The following PCDH9 variants were observed in gnomAD, a reference collection of about 807,000 sequenced individuals.
PCDH9 encodes protocadherin 9.
A neutral mutation model predicts 70.6 loss-of-function variants in PCDH9; 24 were observed. The observed-to-expected ratio is 0.34, with a 90% confidence interval of 0.25 to 0.48. The LOEUF is 0.48. Among genes scored for constraint, PCDH9 ranks in the 20% least tolerant of loss-of-function variants. PCDH9 has a pLI of 0.99. For synonymous variants in PCDH9, 562 were observed against 558.5 expected, an observed-to-expected ratio of 1.01 and a Z score of -0.09; for missense variants, 1,281 against 1,503.6, an observed-to-expected ratio of 0.85 and a Z score of 2.45.
intron 3 of PCDH9, among the ~76,000 whole-genome samples, chr13:66,743,763 A>G (rs961187690): frequency 6.6e-6 from 1 of 152,144 alleles, no homozygotes; most frequent in Non-Finnish European, 1.5e-5. Context: ...AATACATACA[A>G]TTTTAGTCGT....
At chr13:66,909,484 T>A (rs955412420) in intron 2 of PCDH9, among the ~76,000 whole-genome samples, 3 of 151,954 alleles carry the variant, frequency 2.0e-5, no homozygotes, top group African/African-American at 7.2e-5. Flanking sequence ...AAAATCCATT[T>A]AGAGGCCAGG....
chr13:66,360,624 C>G (rs571705221), intron 4 of PCDH9, among the ~76,000 whole-genome samples: 24 of 152,088 alleles, frequency 1.6e-4, no homozygotes, highest in African/African-American at 5.5e-4. Context: ...CTATAAGTAA[C>G]AAATGTGGCT....
At chr13:67,047,546 C>A (rs546626635) in intron 2 of PCDH9, among the ~76,000 whole-genome samples, 3 of 152,264 alleles carry the variant, frequency 2.0e-5, no homozygotes, top group African/African-American at 7.2e-5. Flanking sequence ...TGTTTTATTT[C>A]TTTCCCCCAC....
chr13:66,793,521 T>C (rs920911789), intron 3 of PCDH9, among the ~76,000 whole-genome samples: 1 of 152,164 alleles, frequency 6.6e-6, no homozygotes, highest in Non-Finnish European at 1.5e-5. Flanking sequence ...CAATGAAATG[T>C]ATCTAAACAA....
intron 3 of PCDH9, among the ~76,000 whole-genome samples, chr13:66,722,212 T>G (rs2078950356): frequency 6.6e-6 from 1 of 152,186 alleles, no homozygotes; most frequent in South Asian, 2.1e-4. Flanking sequence ...TTCTTAAAAC[T>G]GAGGCTACGT....
intron 2 of PCDH9, among the ~76,000 whole-genome samples, chr13:67,035,717 A>C (rs2084996157): frequency 6.6e-6 from 1 of 151,970 alleles, no homozygotes; most frequent in Non-Finnish European, 1.5e-5. Context: ...TCTCCCCAGC[A>C]AACTCCACAA....
chr13:66,633,066 C>T (rs534096906), intron 3 of PCDH9, among the ~76,000 whole-genome samples: 27 of 152,164 alleles, frequency 1.8e-4, no homozygotes, highest in African/African-American at 6.0e-4. Context: ...AGCCTATATC[C>T]TGTGAGTCAC....
At chr13:66,507,233 G>T (rs558406117) in intron 4 of PCDH9, among the ~76,000 whole-genome samples, 1 of 152,112 alleles carries the variant, frequency 6.6e-6, no homozygotes, top group Non-Finnish European at 1.5e-5. Flanking sequence ...TAAGGAAAGT[G>T]AAATTAAATA....
chr13:66,671,795 C>G (rs2078178748), intron 3 of PCDH9, among the ~76,000 whole-genome samples: 1 of 152,104 alleles, frequency 6.6e-6, no homozygotes, highest in African/African-American at 2.4e-5. Flanking sequence ...ATATATGGAA[C>G]TTTGGATTTG....
At chr13:66,745,024 G>A (rs892727828) in intron 3 of PCDH9, among the ~76,000 whole-genome samples, 1 of 152,170 alleles carries the variant, frequency 6.6e-6, no homozygotes, top group Admixed American at 6.5e-5. Flanking sequence ...TTCAGTCTCC[G>A]TAACGTAGCT....
chr13:67,120,716 C>T (rs964200366), intron 2 of PCDH9, among the ~76,000 whole-genome samples: 9 of 152,078 alleles, frequency 5.9e-5, no homozygotes, highest in African/African-American at 1.9e-4. Flanking sequence ...ATATTTGAAT[C>T]TGCAATGTCA....
At chr13:66,870,041 T>G (rs993193943) in intron 3 of PCDH9, among the ~76,000 whole-genome samples, 2 of 152,218 alleles carry the variant, frequency 1.3e-5, no homozygotes, top group Middle Eastern at 3.4e-3. Flanking sequence ...TCTTCTAGGG[T>G]TTTTATGGTT....
intron 3 of PCDH9, among the ~76,000 whole-genome samples, chr13:66,768,215 T>A (rs1025380429): frequency 6.6e-6 from 1 of 151,640 alleles, no homozygotes; most frequent in Non-Finnish European, 1.5e-5. Context: ...GTGTAGATGT[T>A]CCCCCTATGG....
chr13:66,831,157 T>C (rs947978899), intron 3 of PCDH9, among the ~76,000 whole-genome samples: 1 of 152,184 alleles, frequency 6.6e-6, no homozygotes, highest in African/African-American at 2.4e-5. Context: ...TCTTGGGCAG[T>C]AGTGTCTCTT....
At chr13:66,319,260 C>T (rs958304726) in intron 4 of PCDH9, among the ~76,000 whole-genome samples, 1 of 152,194 alleles carries the variant, frequency 6.6e-6, no homozygotes, top group African/African-American at 2.4e-5. Flanking sequence ...GATCCAATCA[C>T]TTCCCTTCCT....
intron 2 of PCDH9, among the ~76,000 whole-genome samples, chr13:67,117,547 A>C (rs2086801711): frequency 1.3e-5 from 2 of 152,134 alleles, no homozygotes; most frequent in Admixed American, 1.3e-4. Flanking sequence ...CGGAAGTAAG[A>C]GTGAGAAAGG....
At chr13:67,037,206 T>C (rs1252900946) in intron 2 of PCDH9, among the ~76,000 whole-genome samples, 5 of 152,172 alleles carry the variant, frequency 3.3e-5, no homozygotes, top group Admixed American at 2.0e-4. Flanking sequence ...TTTTGGATTT[T>C]TGTTTAACTC....
chr13:67,173,080 A>G (rs1225740054), intron 2 of PCDH9, among the ~76,000 whole-genome samples: 1 of 152,130 alleles, frequency 6.6e-6, no homozygotes, highest in African/African-American at 2.4e-5. Flanking sequence ...CCAGAAACTC[A>G]AAATACCAAT....
intron 4 of PCDH9, among the ~76,000 whole-genome samples, chr13:66,543,100 T>G (rs1593649558): frequency 6.6e-6 from 1 of 152,196 alleles, no homozygotes; most frequent in South Asian, 2.1e-4. Context: ...TTTTACTCCA[T>G]TCTATATTCT....
Sources: gnomAD v4.1 joint callset for allele counts (sites outside exome capture counted in the v4.1 genomes callset) on GRCh38, gnomAD v4.1.1 for gene constraint, MANE v1.5 for transcripts, NCBI Gene and HGNC (gene_info 2026-07-23, HGNC 2026-07-21) for gene names.